Variants in MYH7 observed in about 807,000 individuals in gnomAD.
MYH7 encodes the protein myosin heavy chain 7.
Under a neutral mutation model 225.4 loss-of-function variants are expected in MYH7, and 129 were observed. The observed-to-expected ratio is 0.57, with a 90% CI of 0.50 to 0.66. MYH7 has a LOEUF of 0.66. Among genes scored for constraint, MYH7 ranks in the 30% least tolerant of loss-of-function variants. The pLI, the probability that MYH7 is intolerant of heterozygous loss-of-function variation, is 0.00. For synonymous variants in MYH7, 971 were observed against 1,007.6 expected (o/e 0.96, Z 0.69); for missense variants, 1,649 against 2,517.0 (o/e 0.66, Z 7.38).
intron 18 of MYH7, among the ~76,000 whole-genome samples, chr14:23,426,500 A>G (rs1595084196): frequency 6.6e-6 from 1 of 152,172 alleles, no homozygotes. Flanking sequence ...TTTAAAGTTG[A>G]ACTAAGATTC....
At position 23,415,241 on chromosome 14, in the gene MYH7, C is replaced by T. The variant is rs779625738; in HGVS notation, c.5313G>A (p.Lys1771=). ...CCAGGTGGGCGCTGGTGTCCTGCTC[C>T]TTCTTCAGCTCCTCTGCCATCATGG... ...DAAMMAEELK[K]EQDTSAHLER... is the part of the protein sequence containing the mutation. The change falls in exon 37 of 40, where the codon AAG becomes AAA. Residue 1771 remains lysine (K), a synonymous_variant. Transcript: ENST00000355349. The surrounding 1 kb of genome is among the most constrained non-coding windows in gnomAD (Gnocchi z 6.3). 2 of 1,614,242 alleles carry T rather than the reference C, an allele frequency of 1.2e-6. No homozygotes were observed. Among genetic ancestry groups the T allele is most frequent in the South Asian group, 2.2e-5 (2 of 91,086 alleles).
At position 23,429,109 on chromosome 14, in the gene MYH7, A is replaced by G; in HGVS notation, c.1258-5T>C. The G allele has an allele frequency of 6.2e-7, 1 of 1,614,184 alleles. No homozygotes were observed. ...TGCCCCAGTGGCATATATCACCTGC[A>G]AGGTGGAGGAGAGACCCATATTGAG... On this transcript the variant is annotated splice_polypyrimidine_tract_variant and splice_region_variant and intron_variant, in intron 13 of 39. Transcript: ENST00000355349.
chr14:23,435,258 C>G (rs974380677), intron 1 of MYH7, among the ~76,000 whole-genome samples: 1 of 152,192 alleles, frequency 6.6e-6, no homozygotes, highest in East Asian at 1.9e-4. Context: ...GCAAAGGAAC[C>G]TCCTCGTTCA....
chr14:23,432,608 C>T (rs759993137), intron 5 of MYH7, 31 bp downstream of exon 5: 1 of 1,614,200 alleles, frequency 6.2e-7, no homozygotes, highest in Admixed American at 1.7e-5. Flanking sequence ...ATCCCAGTTC[C>T]CTTCAGGAAG....
In MYH7 at chr14:23,425,413, G is replaced by A. The variant is rs121913643; in HGVS notation, c.2292C>T (p.Phe764=). 1.2e-6 allele frequency: 2 copies of A among 1,614,144 alleles called. No individual in the cohort carries two copies. The highest frequency in any genetic ancestry group is 2.2e-5 in the East Asian group (1 of 44,878). ...NQYKFGHTKV[F]FKAGLLGLLE... is the part of the protein sequence containing the mutation. ...GCAGCCCCAGCAGCCCGGCCTTGAA[G>A]AACACCTGCAGGCAAGGTGTGTGTT... is the stretch of plus-strand genomic sequence containing the variant. The change falls in exon 21 of 40, where the codon TTC becomes TTT. Residue 764 remains phenylalanine, a synonymous_variant. Coordinates refer to ENST00000355349, the MANE Select transcript of MYH7 (RefSeq NM_000257.4). This position sits in a 1 kb window ranked among gnomAD's most constrained non-coding sequence, Gnocchi z 4.6.
chr14:23,417,873 C>T (rs1313623332), intron 30 of MYH7, 187 bp from the exon 31 acceptor site: 3 of 943,682 alleles, frequency 3.2e-6, no homozygotes, highest in East Asian at 2.4e-5. Context: ...GAGACCCAGG[C>T]ACCCTCTGAC....
At position 23,425,395 on chromosome 14, in the gene MYH7, C is replaced by A; in HGVS notation, c.2310G>T (p.Leu770=). The A allele has an allele frequency of 1.2e-6, 2 of 1,614,170 alleles. No homozygotes were observed. The highest frequency in any genetic ancestry group is 1.7e-6 in the Non-Finnish European group (2 of 1,180,046). ...CGTCCCTCATTTCCTCCAGCAGCCCCAGCAGCCCGGCCTTGAAGAACACCT... is the reference window on the plus strand; with the variant it reads ...CGTCCCTCATTTCCTCCAGCAGCCCAAGCAGCCCGGCCTTGAAGAACACCT... ...HTKVFFKAGL[L]GLLEEMRDER... Residue 770 remains leucine (L), a synonymous_variant, in exon 21 of 40, where the codon CTG becomes CTT. Transcript: ENST00000355349. The surrounding 1 kb of genome is among the most constrained non-coding windows in gnomAD (Gnocchi z 4.6).
chr14:23,427,666 C>G lies in MYH7; in HGVS notation c.1807G>C (p.Glu603Gln). Reference sequence around the variant, plus strand: ...TTCTGATACAAGCCCACGACAGTCTCATTGAGAGGATCCTTGTTCTTCTGC... The same window carrying G: ...TTCTGATACAAGCCCACGACAGTCTGATTGAGAGGATCCTTGTTCTTCTGC... ...WLQKNKDPLN[E>Q]TVVGLYQKSS... The change falls in exon 16 of 40, where the codon GAG becomes CAG. Residue 603 changes from glutamate (E) to glutamine (Q), a missense_variant. Glu to Gln is a conservative substitution (Grantham distance 29, BLOSUM62 2). Coordinates refer to ENST00000355349, the MANE Select transcript of MYH7 (RefSeq NM_000257.4). 6.2e-7 allele frequency: 1 copy of G among 1,614,216 alleles called. No homozygotes were observed.
intron 6 of MYH7, 33 bp downstream of exon 6, chr14:23,432,446 T>C (rs761474924): frequency 6.4e-5 from 103 of 1,613,544 alleles, no homozygotes; most frequent in Non-Finnish European, 8.5e-5. Flanking sequence ...TCAGGGAGAT[T>C]CTGAAAGGGA....
chr14:23,434,431 A>G (rs1297704485), intron 1 of MYH7, 182 bp from the exon 2 acceptor site: 1 of 213,838 alleles, frequency 4.7e-6, no homozygotes, highest in African/African-American at 2.3e-5. Context: ...TTTTTCCTCA[A>G]GAACTAGTTC....
Position 23,416,232 on chromosome 14 carries a change from C to T in MYH7, c.4725G>A (p.Lys1575=), listed in dbSNP as rs45476496. 1.1e-4 allele frequency: 170 copies of T among 1,613,958 alleles called. No individual in the cohort carries two copies. Among genetic ancestry groups the T allele is most frequent in the Non-Finnish European group, 1.4e-4 (169 of 1,179,996 alleles). The change falls in exon 34 of 40, where the codon AAG becomes AAA. Residue 1575 remains lysine, a synonymous_variant. Coordinates refer to ENST00000355349, the MANE Select transcript of MYH7 (RefSeq NM_000257.4). ...CCATCTCCTCGTCCTTCTCTGCCAG[C>T]TTCCGCTCGATCTCTGCCTTGATCT... is the stretch of plus-strand genomic sequence containing the variant. ...FNQIKAEIER[K]LAEKDEEMEQ...
rs2069544 is a variant in MYH7 at position 23,425,371 on chromosome 14, G to A, written c.2334C>T (p.Asp778=). 597 of 1,614,096 alleles carry A rather than the reference G, an allele frequency of 3.7e-4. 1 individual carries two copies. The highest frequency in any genetic ancestry group is 6.8e-4 in the Admixed American group (41 of 60,020). ...GLLGLLEEMR[D]ERLSRIITRI... is the part of the protein sequence containing the mutation. ...GCGTGATGATGCGGCTCAGCCTCTC[G>A]TCCCTCATTTCCTCCAGCAGCCCCA... The change falls in exon 21 of 40, where the codon GAC becomes GAT. Residue 778 remains aspartate (D), a synonymous_variant. Transcript: ENST00000355349. This position sits in a 1 kb window ranked among gnomAD's most constrained non-coding sequence, Gnocchi z 4.6.
intron 2 of MYH7, 115 bp downstream of exon 2, chr14:23,434,079 T>G: frequency 1.4e-6 from 1 of 697,160 alleles, no homozygotes; most frequent in Non-Finnish European, 2.0e-6. Flanking sequence ...TAGCTCTTGA[T>G]AGCCAAGATA....
chr14:23,412,881 G>A lies in MYH7; in HGVS notation c.5791-10C>T. 1 of 1,613,972 alleles carries A rather than the reference G, an allele frequency of 6.2e-7. No individual in the cohort carries two copies. Among genetic ancestry groups the A allele is most frequent in the Non-Finnish European group, 8.5e-7 (1 of 1,179,900 alleles). On this transcript the variant is annotated splice_polypyrimidine_tract_variant and intron_variant, in intron 39 of 39. Transcript: ENST00000355349. Reference sequence around the variant, plus strand: ...ACTCCTCATTCAAGCCCTTTTGAAAGGAAACAAAGTCCAATCAGTCCTTGG... The same window carrying A: ...ACTCCTCATTCAAGCCCTTTTGAAAAGAAACAAAGTCCAATCAGTCCTTGG...
At chr14:23,432,919 T>C in intron 4 of MYH7, 124 bp from the exon 5 acceptor site, 2 of 1,493,744 alleles carry the variant, frequency 1.3e-6, no homozygotes, top group Non-Finnish European at 1.8e-6. Flanking sequence ...GCACTCAATC[T>C]GAGTAATGCC....
Position 23,414,986 on chromosome 14 carries a change from CCGTCG to C in MYH7, c.5559+4_5559+8del. Reference sequence around the variant, plus strand: ...CCAGGGCTCTGCCTGGAGTCACCGCCCGTCGCACCTGGTAGGTGAGCTCCTTGATG... The same window carrying C: ...CCAGGGCTCTGCCTGGAGTCACCGCCCACCTGGTAGGTGAGCTCCTTGATG... On this transcript the variant is annotated splice_donor_5th_base_variant and intron_variant, in intron 37 of 39. Transcript: ENST00000355349. 6.2e-7 allele frequency: 1 copy of C among 1,605,300 alleles called. No individual in the cohort carries two copies. The highest frequency in any genetic ancestry group is 1.1e-5 in the South Asian group (1 of 91,076).
At chr14:23,419,686 GAGAAA>G (rs1346099951) in intron 27 of MYH7, 77 bp from the exon 28 acceptor site, 1 of 1,612,342 alleles carries the variant, frequency 6.2e-7, no homozygotes, top group Non-Finnish European at 8.5e-7. Context: ...GCAACTGAAG[GAGAAA>G]AGAAGAGGGA....
chr14:23,419,436 T>C (rs760918706), intron 28 of MYH7, 47 bp downstream of exon 28: 24 of 1,610,586 alleles, frequency 1.5e-5, no homozygotes, highest in Non-Finnish European at 1.9e-5. Flanking sequence ...GCTCAGGAGG[T>C]TGGGGAGACT....
intron 30 of MYH7, 61 bp from the exon 31 acceptor site, chr14:23,417,747 AAAC>A: frequency 6.3e-7 from 1 of 1,584,684 alleles, no homozygotes; most frequent in Non-Finnish European, 8.6e-7. Flanking sequence ...GGACAAGAGG[AAAC>A]AACATGAACC....
Sources: allele counts gnomAD v4.1 joint callset (sites outside exome capture counted in the v4.1 genomes callset), GRCh38; gene constraint gnomAD v4.1.1; non-coding constraint Gnocchi (gnomAD v3.1); transcripts MANE v1.5; gene names NCBI Gene and HGNC (gene_info 2026-07-23, HGNC 2026-07-21).